Variants in FLNB observed in about 807,000 individuals in gnomAD.
The protein encoded by FLNB is filamin-B.
Under a neutral mutation model 250.6 loss-of-function variants are expected in FLNB, and 111 were observed. The ratio of observed to expected loss-of-function variants is 0.44; its 90% CI spans 0.38 to 0.52. The LOEUF (loss-of-function observed/expected upper bound fraction) is 0.52, where lower values mean the gene tolerates loss of function less well. FLNB is among the 20% of genes least tolerant of loss of function. FLNB has a pLI of 0.00. For synonymous variants in FLNB, 1,302 were observed against 1,372.1 expected (o/e 0.95, Z 1.13); for missense variants, 2,869 against 3,447.8 (o/e 0.83, Z 4.20).
chr3:58,149,196 G>C, intron 36 of FLNB: 1 of 363,654 alleles, frequency 2.7e-6, no homozygotes, highest in Non-Finnish European at 5.3e-6. Context: ...ATGTTGGGTT[G>C]ATTGGCCAAG....
In FLNB at chr3:58,148,804, G is replaced by A. The variant is rs1052013431; in HGVS notation, c.6043G>A (p.Gly2015Ser). The change falls in exon 36 of 46, where the codon GGC becomes AGC. Residue 2015 changes from glycine (G) to serine (S), a missense_variant. Gly to Ser is a moderately conservative substitution (Grantham distance 56, BLOSUM62 0). This residue lies in a region of FLNB where 1,084 missense variants were observed against 1,315.5 expected (regional missense o/e 0.82). Transcript: ENST00000295956. The part of the protein sequence containing the change: ...AKVYGRGLSE[G>S]RTFEMSDFIV... ...AGTCTATGGCCGCGGCCTGTCAGAA[G>A]GCCGGACTTTCGAGATGTCTGACTT... 3.8e-5 allele frequency: 61 copies of A among 1,614,016 alleles called. No homozygotes were observed. Among genetic ancestry groups the A allele is most frequent in the Non-Finnish European group, 5.0e-5 (59 of 1,180,042 alleles).
chr3:58,139,006 GATTCACACTTT>G (rs1287160013), intron 29 of FLNB, among the ~76,000 whole-genome samples: 1 of 152,164 alleles, frequency 6.6e-6, no homozygotes, highest in Non-Finnish European at 1.5e-5. Flanking sequence ...GTTTTGGAAA[GATTCACACTTT>G]ATGTATGAGG....
intron 14 of FLNB, 77 bp downstream of exon 14, chr3:58,109,399 A>G (rs2107118646): frequency 1.3e-6 from 2 of 1,582,862 alleles, no homozygotes; most frequent in Non-Finnish European, 1.7e-6. Flanking sequence ...CATGCCTGAC[A>G]GCCAAGGCAG....
chr3:58,149,771 G>A (rs1257694616), intron 36 of FLNB, 79 bp from the exon 37 acceptor site: 28 of 1,563,454 alleles, frequency 1.8e-5, no homozygotes, highest in South Asian at 2.2e-5. Flanking sequence ...CGTAAGGGTC[G>A]GATGTCCTTT....
intron 1 of FLNB, among the ~76,000 whole-genome samples, chr3:58,075,556 T>A (rs1160732487): frequency 3.3e-5 from 5 of 152,130 alleles, no homozygotes; most frequent in Non-Finnish European, 7.4e-5. Flanking sequence ...TCTGAGGTGC[T>A]GTGTATGTTT....
chr3:58,041,682 C>G (rs2097146184), intron 1 of FLNB, among the ~76,000 whole-genome samples: 1 of 152,222 alleles, frequency 6.6e-6, no homozygotes, highest in South Asian at 2.1e-4. Context: ...TGCCTTGAGC[C>G]AGTAGCCTTG....
At chr3:58,093,633 TCACA>T (rs3060336) in intron 4 of FLNB, among the ~76,000 whole-genome samples, 2,517 of 149,554 alleles carry the variant, frequency 0.017, 58 homozygotes, top group East Asian at 0.055. Flanking sequence ...ATACTTATGT[TCACA>T]CACACACACA....
At position 58,124,471 on chromosome 3, in the gene FLNB, G is replaced by A. The variant is rs749086839; in HGVS notation, c.3864G>A (p.Gly1288=). The A allele has an allele frequency of 6.2e-7, 1 of 1,614,196 alleles. No individual in the cohort carries two copies. The highest frequency in any genetic ancestry group is 1.1e-5 in the South Asian group (1 of 91,086). Residue 1288 remains glycine (G), a synonymous_variant, in exon 22 of 46, where the codon GGG becomes GGA. Coordinates refer to ENST00000295956, the MANE Select transcript of FLNB (RefSeq NM_001457.4). Reference sequence around the variant, plus strand: ...GCTTTGTCACAGACAATGCGGATGGGACCTACCAGGTGGAATACACACCCT... The same window carrying A: ...GCTTTGTCACAGACAATGCGGATGGAACCTACCAGGTGGAATACACACCCT... ...TECFVTDNAD[G]TYQVEYTPFE... is the part of the protein sequence containing the mutation.
At chr3:58,079,233 A>T (rs2097205682) in intron 3 of FLNB, among the ~76,000 whole-genome samples, 1 of 150,842 alleles carries the variant, frequency 6.6e-6, no homozygotes. Flanking sequence ...CCAATAGCTT[A>T]AGAAAAGTCA....
intron 4 of FLNB, 46 bp from the exon 5 acceptor site, chr3:58,094,788 GAC>G (rs1161567715): frequency 6.7e-7 from 1 of 1,502,792 alleles, no homozygotes; most frequent in South Asian, 1.1e-5. Flanking sequence ...GATGGCTCAT[GAC>G]ACACCCTCGC....
intron 19 of FLNB, among the ~76,000 whole-genome samples, chr3:58,119,816 T>G (rs560833330): frequency 6.6e-6 from 1 of 152,362 alleles, no homozygotes; most frequent in African/African-American, 2.4e-5. Flanking sequence ...TCTCTCTGCA[T>G]CTATACATAT....
intron 29 of FLNB, among the ~76,000 whole-genome samples, chr3:58,139,558 G>A (rs771119515): frequency 2.0e-5 from 3 of 152,118 alleles, no homozygotes; most frequent in Non-Finnish European, 1.5e-5. Flanking sequence ...TTCCATCGAC[G>A]TCTGTTTATC....
intron 15 of FLNB, 88 bp from the exon 16 acceptor site, chr3:58,109,922 T>G: frequency 6.4e-7 from 1 of 1,552,388 alleles, no homozygotes; most frequent in Non-Finnish European, 8.9e-7. Context: ...TCCCAATTGC[T>G]TTTTGAGGGT....
chr3:58,157,916 G>A (rs901004666), intron 41 of FLNB, among the ~76,000 whole-genome samples: 3 of 152,238 alleles, frequency 2.0e-5, no homozygotes, highest in Non-Finnish European at 2.9e-5. Flanking sequence ...GCTGCCGCAG[G>A]AGAAGTGTGT....
chr3:58,169,517 C>T lies in FLNB; in HGVS notation c.7418-73C>T, dbSNP rs1282703832. 45 of 1,239,476 alleles carry T rather than the reference C, an allele frequency of 3.6e-5. 1 individual carries two copies. In the South Asian group the frequency reaches 3.7e-4, roughly 10 times the overall value. 76.8% of individuals were successfully genotyped at this position (1,239,476 alleles called of 1,614,324 possible). On this transcript the variant is annotated intron_variant, in intron 44 of 45. Transcript: ENST00000295956. This position sits in a 1 kb window ranked among gnomAD's most constrained non-coding sequence, Gnocchi z 4.8. ...TCCTGGGGTTACTGTGTAGGGTACTCGCCTGTCCTCTGGCTGAGAGACCCC... is the reference window on the plus strand; with the variant it reads ...TCCTGGGGTTACTGTGTAGGGTACTTGCCTGTCCTCTGGCTGAGAGACCCC...
chr3:58,021,154 G>A (rs966978681), intron 1 of FLNB, among the ~76,000 whole-genome samples: 10 of 152,196 alleles, frequency 6.6e-5, no homozygotes, highest in Non-Finnish European at 1.3e-4. Flanking sequence ...GGCATCTACA[G>A]CCTATTGTGG....
intron 1 of FLNB, among the ~76,000 whole-genome samples, chr3:58,029,995 T>C (rs776743108): frequency 1.3e-5 from 2 of 152,180 alleles, no homozygotes; most frequent in African/African-American, 4.8e-5. Flanking sequence ...GCCTGAGACA[T>C]GGGAAGAAGT....
chr3:58,011,276 GGTTA>G (rs2097098500), intron 1 of FLNB, among the ~76,000 whole-genome samples: 1 of 152,102 alleles, frequency 6.6e-6, no homozygotes, highest in South Asian at 2.1e-4. Context: ...GACGTTCCAG[GGTTA>G]GTTAGCTTCC....
chr3:58,136,315 T>A (rs1378589948), intron 28 of FLNB, 147 bp downstream of exon 28: 2 of 749,588 alleles, frequency 2.7e-6, no homozygotes, highest in Non-Finnish European at 4.6e-6. Context: ...TTGAAGCTCT[T>A]TGTTTTTATT....
Sources: allele counts gnomAD v4.1 joint callset (sites outside exome capture counted in the v4.1 genomes callset), GRCh38; gene constraint gnomAD v4.1.1; regional missense constraint gnomAD v4.1.1; non-coding constraint Gnocchi (gnomAD v3.1); transcripts MANE v1.5; gene names NCBI Gene and HGNC (gene_info 2026-07-23, HGNC 2026-07-21).